The following MRS2 variants were observed in gnomAD, a reference collection of about 807,000 sequenced individuals.
MRS2 encodes magnesium transporter MRS2 homolog, mitochondrial.
A neutral mutation model predicts 52.6 loss-of-function variants in MRS2; 40 were observed. That is an observed-to-expected ratio of 0.76 (90% CI 0.59 to 0.99). MRS2 has a LOEUF of 0.99. Ranked by LOEUF, MRS2 falls within the 50% of genes least tolerant of loss-of-function variation. The pLI is 0.00. For missense variants in MRS2, 472 were observed against 532.7 expected (o/e 0.89, Z 1.12); for synonymous variants, 193 against 195.9 (o/e 0.98, Z 0.13).
intron 9 of MRS2, among the ~76,000 whole-genome samples, chr6:24,419,984 C>T (rs569419782): frequency 6.6e-6 from 1 of 152,340 alleles, no homozygotes; most frequent in South Asian, 2.1e-4. Flanking sequence ...CTGTTGCCCA[C>T]ATCACCTCCC....
chr6:24,404,232 C>T (rs1761385814), intron 1 of MRS2, among the ~76,000 whole-genome samples: 1 of 149,496 alleles, frequency 6.7e-6, no homozygotes. Context: ...CCAGTTTCAG[C>T]AAGTTGGAGG....
chr6:24,403,264 G>C (rs1279227222), intron 1 of MRS2, 28 bp downstream of exon 1: 3 of 1,568,420 alleles, frequency 1.9e-6, no homozygotes, highest in Non-Finnish European at 2.6e-6. Flanking sequence ...CAACAGCCTT[G>C]GGACGCTGGT....
chr6:24,407,691 T>G (rs545761598), intron 2 of MRS2, among the ~76,000 whole-genome samples: 75 of 152,182 alleles, frequency 4.9e-4, no homozygotes, highest in Non-Finnish European at 7.8e-4. Flanking sequence ...AAAGAGACTT[T>G]GGCCTCATGT....
intron 5 of MRS2, among the ~76,000 whole-genome samples, chr6:24,413,377 G>C (rs1170363129): frequency 6.6e-6 from 1 of 152,104 alleles, no homozygotes; most frequent in Non-Finnish European, 1.5e-5. Flanking sequence ...GGGGTCCCAG[G>C]AAGATTTCCT....
In MRS2 at chr6:24,410,379, A is replaced by T. The variant is rs560996049; in HGVS notation, c.414+806A>T. Among the ~76,000 whole-genome samples the T allele has an allele frequency of 7.2e-5, 11 of 152,308 alleles. No individual in the cohort carries two copies. In the East Asian group the frequency reaches 2.1e-3, roughly 29 times the overall value. On this transcript the variant is annotated intron_variant, in intron 4 of 10. Transcript: ENST00000378386. ...ATAATTTGACTTTCTTTAGTGATTC[A>T]GAGTTAATGTGGGTTTCAGTTATTT...
At chr6:24,416,266 T>A in intron 6 of MRS2, 131 bp from the exon 7 acceptor site, 1 of 493,246 alleles carries the variant, frequency 2.0e-6, no homozygotes, top group Non-Finnish European at 3.6e-6. Context: ...TTTTTTTTTT[T>A]TTTTAAATAA....
In MRS2 at chr6:24,418,238, TAAGA is replaced by T; in HGVS notation, c.989+6_989+9del. 6.3e-7 allele frequency: 1 copy of T among 1,577,682 alleles called. No individual in the cohort carries two copies. The highest frequency in any genetic ancestry group is 8.6e-7 in the Non-Finnish European group (1 of 1,167,496). On this transcript the variant is annotated splice_donor_5th_base_variant and intron_variant, in intron 8 of 10. Coordinates refer to ENST00000378386, the MANE Select transcript of MRS2 (RefSeq NM_020662.4). ...TATTATTTTCATTAATCTGGACAGGTAAGAAAGCATTATATAAAACTAAGTTTTT... is the reference window on the plus strand; with the variant it reads ...TATTATTTTCATTAATCTGGACAGGTAAGCATTATATAAAACTAAGTTTTT...
chr6:24,418,771 C>T (rs1238684072), intron 9 of MRS2, 193 bp downstream of exon 9: 3 of 416,792 alleles, frequency 7.2e-6, no homozygotes, highest in Middle Eastern at 7.6e-4. Context: ...CGGTGGCAGG[C>T]ACCTGTAATC....
intron 4 of MRS2, chr6:24,410,739 C>T: frequency 1.3e-6 from 2 of 1,531,848 alleles, no homozygotes; most frequent in South Asian, 1.2e-5. Flanking sequence ...ATATTCTCTA[C>T]TCTTGGAATC....
chr6:24,419,831 C>T (rs953866930), intron 9 of MRS2, among the ~76,000 whole-genome samples: 1 of 152,176 alleles, frequency 6.6e-6, no homozygotes, highest in East Asian at 1.9e-4. Flanking sequence ...GTACAGTCAA[C>T]CTTGCATATC....
intron 3 of MRS2, 100 bp downstream of exon 3, chr6:24,408,544 A>G (rs1761550290): frequency 3.6e-6 from 3 of 842,600 alleles, no homozygotes; most frequent in South Asian, 1.5e-5. Context: ...TTCTTTGCAT[A>G]TACAGGTGTG....
intron 9 of MRS2, among the ~76,000 whole-genome samples, chr6:24,422,385 A>G (rs748618823): frequency 6.6e-5 from 10 of 152,228 alleles, no homozygotes; most frequent in Admixed American, 1.3e-4. Flanking sequence ...ACCACTCTGA[A>G]AATGACGGTG....
Position 24,416,529 on chromosome 6 carries a change from T to TATACTTAC in MRS2, c.836+17_836+18insTACTTACA. On this transcript the variant is annotated intron_variant, in intron 7 of 10. Coordinates refer to ENST00000378386, the MANE Select transcript of MRS2 (RefSeq NM_020662.4). ...CACAAGTCTTGTAAGTATATAATTA[T>TATACTTAC]ACTTTGTTATTTATTTCCTTAGAGT... 11 of 1,217,970 alleles carry TATACTTAC rather than the reference T, an allele frequency of 9.0e-6. No homozygotes were observed. The highest frequency in any genetic ancestry group is 1.1e-5 in the Non-Finnish European group (9 of 833,818). The allele number at this position is 1,217,970 out of a possible 1,614,324, so 75.4% of individuals were successfully genotyped here.
chr6:24,414,957 A>C, intron 5 of MRS2, 76 bp from the exon 6 acceptor site: 1 of 1,308,062 alleles, frequency 7.6e-7, no homozygotes. Flanking sequence ...TTCTGTATTT[A>C]ATCAGAGGAT....
chr6:24,411,980 T>A (rs1308849880), intron 4 of MRS2, among the ~76,000 whole-genome samples: 1 of 150,112 alleles, frequency 6.7e-6, no homozygotes, highest in East Asian at 2.0e-4. Flanking sequence ...ATATATTTTT[T>A]AAGTTTCTTT....
Position 24,410,870 on chromosome 6 carries a change from C to T in MRS2, c.414+1297C>T, listed in dbSNP as rs1761625401. The stretch of plus-strand genomic sequence containing the variant: ...ACTGGTGGGTATATGGTGTTCACTG[C>T]AATCTTTCAACTTTTCTGTATAAAA... On this transcript the variant is annotated intron_variant, in intron 4 of 10. Transcript: ENST00000378386. The T allele has an allele frequency of 5.1e-6, 4 of 787,184 alleles. No individual in the cohort carries two copies. The South Asian group carries it at 5.1e-5, about 10-fold the overall frequency. The allele number at this position is 787,184 out of a possible 1,614,324, so 48.8% of individuals were successfully genotyped here.
At chr6:24,413,690 AAAC>A (rs144130638) in intron 5 of MRS2, among the ~76,000 whole-genome samples, 18,242 of 152,176 alleles carry the variant, frequency 0.12, 1,442 homozygotes, top group East Asian at 0.16. Flanking sequence ...GAGACGAAAT[AAAC>A]AACATGTCTG....
chr6:24,415,880 C>A (rs1292642055), intron 6 of MRS2, among the ~76,000 whole-genome samples: 4 of 151,250 alleles, frequency 2.6e-5, no homozygotes, highest in Non-Finnish European at 4.4e-5. Flanking sequence ...CTCCGTTGCC[C>A]AGGCTGGAGT....
At chr6:24,411,454 T>C (rs1761646532) in intron 4 of MRS2, among the ~76,000 whole-genome samples, 1 of 152,228 alleles carries the variant, frequency 6.6e-6, no homozygotes, top group South Asian at 2.1e-4. Flanking sequence ...GCCAAACTAA[T>C]TATGATTAAA....
Sources: allele counts gnomAD v4.1 joint callset (sites outside exome capture counted in the v4.1 genomes callset), GRCh38; gene constraint gnomAD v4.1.1; transcripts MANE v1.5; gene names NCBI Gene and HGNC (gene_info 2026-07-23, HGNC 2026-07-21).